Variants in KIRREL3 observed in about 807,000 individuals in gnomAD.
The protein encoded by KIRREL3 is kirre like nephrin family adhesion molecule 3.
Under a neutral mutation model 89.7 loss-of-function variants are expected in KIRREL3, and 36 were observed. The observed-to-expected ratio is 0.40, with a 90% CI of 0.31 to 0.53. The LOEUF (loss-of-function observed/expected upper bound fraction) is 0.53. KIRREL3 is among the 20% of genes least tolerant of loss of function. The probability of loss-of-function intolerance (pLI) is 0.49; values close to 1 mark genes in which losing one functional copy is unlikely to be tolerated. For synonymous variants in KIRREL3, 445 were observed against 441.4 expected, an observed-to-expected ratio of 1.01 and a Z score of -0.10; for missense variants, 864 against 1,056.6, an observed-to-expected ratio of 0.82 and a Z score of 2.53.
chr11:126,930,219 C>A (rs774915614), intron 1 of KIRREL3, among the ~76,000 whole-genome samples: 4 of 151,738 alleles, frequency 2.6e-5, no homozygotes, highest in Non-Finnish European at 5.9e-5. Flanking sequence ...TTGTTGTATG[C>A]GTGTGTATTT....
intron 1 of KIRREL3, among the ~76,000 whole-genome samples, chr11:126,907,961 C>G (rs1592329110): frequency 6.6e-6 from 1 of 152,136 alleles, no homozygotes; most frequent in Non-Finnish European, 1.5e-5. Flanking sequence ...GATCTTTACT[C>G]ATACATCACC....
chr11:126,885,387 C>A (rs755595493), intron 1 of KIRREL3, among the ~76,000 whole-genome samples: 9 of 152,148 alleles, frequency 5.9e-5, no homozygotes, highest in Non-Finnish European at 1.0e-4. Flanking sequence ...AGAGTATGTT[C>A]TCAAAATGGA....
rs1461860541 is a variant in KIRREL3 at position 126,428,718 on chromosome 11, C to T, written c.1806+461G>A. ...CTGGGGTGCAGTGGCCTGATCTCAG[C>T]TCACTGCAACCTCCACCTCCTGGGT... On this transcript the variant is annotated intron_variant, in intron 15 of 16. Transcript: ENST00000525144. This position sits in a 1 kb window ranked among gnomAD's most constrained non-coding sequence, Gnocchi z 6.4. Among the ~76,000 whole-genome samples, 1 of 152,164 alleles carries T rather than the reference C, an allele frequency of 6.6e-6. No homozygotes were observed. Among genetic ancestry groups the T allele is most frequent in the Non-Finnish European group, 1.5e-5 (1 of 68,034 alleles).
Position 126,448,209 on chromosome 11 carries a change from G to A in KIRREL3, c.997+800C>T, listed in dbSNP as rs544207659. On this transcript the variant is annotated intron_variant, in intron 8 of 16. Coordinates refer to ENST00000525144, the MANE Select transcript of KIRREL3 (RefSeq NM_032531.4). Reference sequence around the variant, plus strand: ...GAGGCAGGAGAATCTCTTGAACCAGGGAGTTGGAGGTTGCAGTGAGCAGAG... The same window carrying A: ...GAGGCAGGAGAATCTCTTGAACCAGAGAGTTGGAGGTTGCAGTGAGCAGAG... Among the ~76,000 whole-genome samples the A allele has an allele frequency of 2.7e-5, 4 of 150,540 alleles. No homozygotes were observed. In the East Asian group the frequency reaches 7.8e-4, roughly 29 times the overall value.
chr11:126,632,740 TCTC>T (rs1227712703), intron 1 of KIRREL3, among the ~76,000 whole-genome samples: 1 of 3,548 alleles, frequency 2.8e-4, no homozygotes, highest in Non-Finnish European at 7.6e-4. Flanking sequence ...TATACTAATG[TCTC>T]CTCATCAATT....
chr11:126,591,307 A>T (rs538801494), intron 1 of KIRREL3, among the ~76,000 whole-genome samples: 34 of 152,346 alleles, frequency 2.2e-4, no homozygotes, highest in Middle Eastern at 3.4e-3. Flanking sequence ...GGACGCTTGT[A>T]ACCAGGTGTA....
chr11:126,539,554 A>T (rs1938189321), intron 2 of KIRREL3, among the ~76,000 whole-genome samples: 1 of 152,202 alleles, frequency 6.6e-6, no homozygotes, highest in Admixed American at 6.5e-5. Context: ...GAAAGAAGAA[A>T]TGGATTTAGG....
Position 126,628,843 on chromosome 11 carries a change from G to A in KIRREL3, c.56-65931C>T, listed in dbSNP as rs1943900910. 6.6e-6 allele frequency among the ~76,000 whole-genome samples: 1 copy of A among 152,164 alleles called. No homozygotes were observed. The highest frequency in any genetic ancestry group is 2.4e-5 in the African/African-American group (1 of 41,430). ...CTGCCTGTGCAGGGTCCATCCTGAG[G>A]AGAGTCTGAGCAACTGAGGATGTTG... On this transcript the variant is annotated intron_variant, in intron 1 of 16. Coordinates refer to ENST00000525144, the MANE Select transcript of KIRREL3 (RefSeq NM_032531.4). This position sits in a 1 kb window ranked among gnomAD's most constrained non-coding sequence, Gnocchi z 5.2.
At chr11:126,583,669 A>C (rs923417020) in intron 1 of KIRREL3, among the ~76,000 whole-genome samples, 1 of 152,178 alleles carries the variant, frequency 6.6e-6, no homozygotes, top group Non-Finnish European at 1.5e-5. Context: ...TCTTTGTAAA[A>C]TGCAAAGAAT....
At position 126,795,272 on chromosome 11, in the gene KIRREL3, A is replaced by C. The variant is rs192202906; in HGVS notation, c.55+205183T>G. ...AACAATGTATCTATATTGGCTTACCAATGGTAACAGATATACTACACTAAT... is the reference window on the plus strand; with the variant it reads ...AACAATGTATCTATATTGGCTTACCCATGGTAACAGATATACTACACTAAT... On this transcript the variant is annotated intron_variant, in intron 1 of 16. Transcript: ENST00000525144. This position sits in a 1 kb window ranked among gnomAD's most constrained non-coding sequence, Gnocchi z 4.1. Among the ~76,000 whole-genome samples, 8 of 152,350 alleles carry C rather than the reference A, an allele frequency of 5.3e-5. No individual in the cohort carries two copies. In the East Asian group the frequency reaches 1.5e-3, roughly 29 times the overall value.
At chr11:126,862,857 A>G (rs1267129039) in intron 1 of KIRREL3, among the ~76,000 whole-genome samples, 4 of 152,318 alleles carry the variant, frequency 2.6e-5, no homozygotes, top group South Asian at 2.1e-4. Context: ...CCCGGTCTAC[A>G]TTGCCAGGCA....
rs991661834 is a variant in KIRREL3, at chr11:126,791,249, A to G, written c.55+209206T>C. 8.5e-5 allele frequency among the ~76,000 whole-genome samples: 13 copies of G among 152,180 alleles called. No individual in the cohort carries two copies. Among genetic ancestry groups the G allele is most frequent in the African/African-American group, 3.1e-4 (13 of 41,440 alleles). ...TTTGGGGGGCCTGTACAGGGAATTT[A>G]GTGGTATTTGTTGACCTGATGAGAT... On this transcript the variant is annotated intron_variant, in intron 1 of 16. Transcript: ENST00000525144. This position sits in a 1 kb window ranked among gnomAD's most constrained non-coding sequence, Gnocchi z 4.8.
At chr11:126,497,614 C>T (rs559041337) in intron 4 of KIRREL3, among the ~76,000 whole-genome samples, 6 of 152,342 alleles carry the variant, frequency 3.9e-5, no homozygotes, top group African/African-American at 1.4e-4. Context: ...TGCTCAAGCT[C>T]AGAGAAGTGA....
chr11:126,952,795 G>A (rs1372996296), intron 1 of KIRREL3, among the ~76,000 whole-genome samples: 2 of 152,150 alleles, frequency 1.3e-5, no homozygotes, highest in Non-Finnish European at 2.9e-5. Flanking sequence ...ACCATCTCAC[G>A]CCAGTTAGAA....
chr11:126,894,283 T>C (rs1946048998), intron 1 of KIRREL3, among the ~76,000 whole-genome samples: 1 of 152,164 alleles, frequency 6.6e-6, no homozygotes, highest in South Asian at 2.1e-4. Flanking sequence ...CTTGAAGCTA[T>C]AGTCCAGGCA....
Position 126,647,268 on chromosome 11 carries a change from A to T in KIRREL3, c.56-84356T>A, listed in dbSNP as rs1356365891. 6.6e-6 allele frequency among the ~76,000 whole-genome samples: 1 copy of T among 152,214 alleles called. No homozygotes were observed. The highest frequency in any genetic ancestry group is 2.4e-5 in the African/African-American group (1 of 41,452). On this transcript the variant is annotated intron_variant, in intron 1 of 16. Transcript: ENST00000525144. The surrounding 1 kb of genome is among the most constrained non-coding windows in gnomAD (Gnocchi z 4.9). The stretch of plus-strand genomic sequence containing the variant: ...CCAGTGCTTGTCTGCTGGGGTTTCT[A>T]GCTGGAAATCAGAATAAGCTCCCAA...
intron 1 of KIRREL3, among the ~76,000 whole-genome samples, chr11:126,852,868 G>A (rs1944388375): frequency 6.6e-6 from 1 of 152,184 alleles, no homozygotes. Context: ...CCTGAGCAGA[G>A]GCTGCACCAT....
intron 1 of KIRREL3, among the ~76,000 whole-genome samples, chr11:126,650,848 T>C (rs1161374558): frequency 6.6e-6 from 1 of 152,156 alleles, no homozygotes; most frequent in Non-Finnish European, 1.5e-5. Flanking sequence ...GATAAAGACA[T>C]ACCCAAGACT....
At chr11:126,815,810 C>T (rs1951553341) in intron 1 of KIRREL3, among the ~76,000 whole-genome samples, 1 of 152,196 alleles carries the variant, frequency 6.6e-6, no homozygotes, top group African/African-American at 2.4e-5. Flanking sequence ...GCTGGGATTA[C>T]AGGCATGAGC....
Sources: allele counts gnomAD v4.1 joint callset (sites outside exome capture counted in the v4.1 genomes callset), GRCh38; gene constraint gnomAD v4.1.1; non-coding constraint Gnocchi (gnomAD v3.1); transcripts MANE v1.5; gene names NCBI Gene and HGNC (gene_info 2026-07-23, HGNC 2026-07-21).